The following NOVA2 variants were observed in gnomAD, a reference collection of about 807,000 sequenced individuals.
The protein encoded by NOVA2 is RNA-binding protein Nova-2.
Under a neutral mutation model 22.5 loss-of-function variants are expected in NOVA2, and 9 were observed. The observed-to-expected ratio is 0.40, with a 90% CI of 0.24 to 0.70. The LOEUF (loss-of-function observed/expected upper bound fraction) is 0.70. Among genes scored for constraint, NOVA2 ranks in the 30% least tolerant of loss-of-function variants. NOVA2 has a pLI of 0.38. For synonymous variants in NOVA2, 318 were observed against 335.2 expected (o/e 0.95, Z 0.56); for missense variants, 383 against 682.8 (o/e 0.56, Z 4.89).
At position 45,937,807 on chromosome 19, in the gene NOVA2, G is replaced by T. The variant is rs895037403; in HGVS notation, c.*2056C>A. 10 of 152,300 alleles carry T rather than the reference G, an allele frequency of 6.6e-5. No individual in the cohort carries two copies. Among genetic ancestry groups the T allele is most frequent in the Admixed American group, 1.3e-4 (2 of 15,292 alleles). The allele number at this position is 152,300 out of a possible 1,614,324, so 9.4% of individuals were successfully genotyped here. On this transcript the variant is annotated 3_prime_UTR_variant, in exon 4 of 4. Coordinates refer to ENST00000263257, the MANE Select transcript of NOVA2 (RefSeq NM_002516.4). ...GCTGGGGTGGGAAATTCAGTGCAAG[G>T]TACCTCGAAGGCTATTGCTTTCTAG...
chr19:45,972,670 T>TAC (rs911447224), intron 1 of NOVA2, among the ~76,000 whole-genome samples: 4 of 151,692 alleles, frequency 2.6e-5, no homozygotes, highest in African/African-American at 4.8e-5. Flanking sequence ...AGGGCACACA[T>TAC]ACACACACAC....
chr19:45,973,041 TC>T (rs1035571266), intron 1 of NOVA2, among the ~76,000 whole-genome samples: 3 of 35,496 alleles, frequency 8.5e-5, no homozygotes, highest in South Asian at 1.1e-3. Context: ...TATCACCCCC[TC>T]CCCCCCACCC....
At chr19:45,941,091 A>C in intron 3 of NOVA2, 146 bp from the exon 4 acceptor site, 1 of 760,368 alleles carries the variant, frequency 1.3e-6, no homozygotes, top group Non-Finnish European at 2.0e-6. Context: ...GGAGTTCCAG[A>C]CTAGCCTGGC....
In NOVA2 at chr19:45,939,647, T is replaced by G; in HGVS notation, c.*216A>C. 1 of 599,662 alleles carries G rather than the reference T, an allele frequency of 1.7e-6. No individual in the cohort carries two copies. Among genetic ancestry groups the G allele is most frequent in the East Asian group, 2.9e-5 (1 of 34,272 alleles). 37.1% of individuals were successfully genotyped at this position (599,662 alleles called of 1,614,324 possible). A position where few individuals can be genotyped will look rare whatever the true frequency, so the allele number is the denominator to read the frequency against. On this transcript the variant is annotated 3_prime_UTR_variant, in exon 4 of 4. Transcript: ENST00000263257. ...CAGGGAGGGAGGAAGGAGGGGTCAG[T>G]TCCGGGCTGGGGAGGGGGCTTCTGA...
At chr19:45,968,863 G>A (rs1016349814) in intron 1 of NOVA2, among the ~76,000 whole-genome samples, 1 of 152,048 alleles carries the variant, frequency 6.6e-6, no homozygotes, top group Admixed American at 6.6e-5. Flanking sequence ...TGTTGACTTC[G>A]TGATAAAGAA....
chr19:45,972,175 TCTC>T (rs914508624), intron 1 of NOVA2, among the ~76,000 whole-genome samples: 2 of 151,456 alleles, frequency 1.3e-5, no homozygotes, highest in South Asian at 2.1e-4. Context: ...CATCCTTCCT[TCTC>T]CTTTTTACAC....
chr19:45,953,921 T>C lies in NOVA2; in HGVS notation c.255A>G (p.Val85=). 6.2e-7 allele frequency: 1 copy of C among 1,614,174 alleles called. No homozygotes were observed. ...YPGTTERVCL[V]QGTAEALNAV... is the part of the protein sequence containing the mutation. ...CATTCAAGGCCTCTGCCGTGCCCTGTACTAGGCATACCCGCTCTGTGGTTC... is the reference window on the plus strand; with the variant it reads ...CATTCAAGGCCTCTGCCGTGCCCTGCACTAGGCATACCCGCTCTGTGGTTC... Residue 85 remains valine, a synonymous_variant, in exon 3 of 4, where the codon GTA becomes GTG. Coordinates refer to ENST00000263257, the MANE Select transcript of NOVA2 (RefSeq NM_002516.4).
At chr19:45,972,759 C>T (rs1162041481) in intron 1 of NOVA2, among the ~76,000 whole-genome samples, 1 of 152,130 alleles carries the variant, frequency 6.6e-6, no homozygotes, top group African/African-American at 2.4e-5. Flanking sequence ...CATTTCACCC[C>T]ACACACCTAC....
chr19:45,971,230 G>A (rs1397058556), intron 1 of NOVA2, among the ~76,000 whole-genome samples: 1 of 152,204 alleles, frequency 6.6e-6, no homozygotes, highest in African/African-American at 2.4e-5. Context: ...AGTGGCATCA[G>A]TGTTAAGTTG....
intron 1 of NOVA2, among the ~76,000 whole-genome samples, chr19:45,962,829 G>A (rs968601856): frequency 6.6e-6 from 1 of 151,142 alleles, no homozygotes; most frequent in African/African-American, 2.5e-5. Context: ...TGTATTTTTC[G>A]TAGAGACGGG....
At position 45,949,737 on chromosome 19, in the gene NOVA2, T is replaced by C. The variant is rs555322137; in HGVS notation, c.396+4043A>G. Among the ~76,000 whole-genome samples the C allele has an allele frequency of 3.3e-5, 4 of 120,828 alleles. No homozygotes were observed. The South Asian group carries it at 1.1e-3, about 34-fold the overall frequency. 79.3% of individuals were successfully genotyped at this position (120,828 alleles called of 152,430 possible). On this transcript the variant is annotated intron_variant, in intron 3 of 3. Transcript: ENST00000263257. The stretch of plus-strand genomic sequence containing the variant: ...AACACAGCAAGGTCCAAATCGTAGG[T>C]TGTTTTTTTTTTTTTTTTTTTGAGA...
chr19:45,953,074 G>A (rs767620352), intron 3 of NOVA2, among the ~76,000 whole-genome samples: 2 of 152,204 alleles, frequency 1.3e-5, no homozygotes, highest in Non-Finnish European at 2.9e-5. Context: ...CCGCGTTTCC[G>A]TTCCCTTACG....
intron 2 of NOVA2, among the ~76,000 whole-genome samples, chr19:45,955,332 C>T (rs912762044): frequency 2.0e-5 from 3 of 152,180 alleles, no homozygotes; most frequent in Middle Eastern, 3.4e-3. Context: ...TGTGTGTGAA[C>T]CTGAGAAGGA....
At chr19:45,946,914 G>T (rs376378607) in intron 3 of NOVA2, among the ~76,000 whole-genome samples, 1 of 151,324 alleles carries the variant, frequency 6.6e-6, no homozygotes, top group Non-Finnish European at 1.5e-5. Flanking sequence ...TTGTGTGTGC[G>T]CACGCGCATG....
At chr19:45,963,984 T>C (rs917231885) in intron 1 of NOVA2, among the ~76,000 whole-genome samples, 1 of 152,066 alleles carries the variant, frequency 6.6e-6, no homozygotes, top group Non-Finnish European at 1.5e-5. Context: ...TCCATAGAGC[T>C]CACCCATGTC....
chr19:45,973,313 G>T lies in NOVA2; in HGVS notation c.39C>A (p.Leu13=). The part of the protein sequence containing the change: ...PEAPDSRKRP[L]ETPPEVVCTK... The stretch of plus-strand genomic sequence containing the variant: ...TGCAGACCACCTCGGGGGGCGTTTC[G>T]AGGGGCCTCTTGCGGGAATCCGGGG... Residue 13 remains leucine, a synonymous_variant, in exon 1 of 4, where the codon CTC becomes CTA. Coordinates refer to ENST00000263257, the MANE Select transcript of NOVA2 (RefSeq NM_002516.4). 7.6e-7 allele frequency: 1 copy of T among 1,321,224 alleles called. No individual in the cohort carries two copies. 81.8% of individuals were successfully genotyped at this position (1,321,224 alleles called of 1,614,324 possible).
At chr19:45,946,095 A>G (rs1967834417) in intron 3 of NOVA2, among the ~76,000 whole-genome samples, 1 of 151,416 alleles carries the variant, frequency 6.6e-6, no homozygotes. Context: ...GCTTGAGCTC[A>G]CAAGTTGTAC....
chr19:45,956,794 G>A (rs1968012432), intron 2 of NOVA2, among the ~76,000 whole-genome samples: 1 of 152,190 alleles, frequency 6.6e-6, no homozygotes, highest in Non-Finnish European at 1.5e-5. Flanking sequence ...AATATATGAA[G>A]TAGGCAATAT....
At chr19:45,943,778 C>A (rs893955263) in intron 3 of NOVA2, among the ~76,000 whole-genome samples, 11 of 151,232 alleles carry the variant, frequency 7.3e-5, no homozygotes, top group South Asian at 6.3e-4. Context: ...CCTATCCCCC[C>A]CAAAATAAAT....
Sources: gnomAD v4.1 joint callset for allele counts (sites outside exome capture counted in the v4.1 genomes callset) on GRCh38, gnomAD v4.1.1 for gene constraint, MANE v1.5 for transcripts, NCBI Gene and HGNC (gene_info 2026-07-23, HGNC 2026-07-21) for gene names.